Variants in FAF1 observed in about 807,000 individuals in gnomAD.
FAF1 encodes FAS-associated factor 1.
Under a neutral mutation model 92.5 loss-of-function variants are expected in FAF1, and 25 were observed. That is an observed-to-expected ratio of 0.27 (90% CI 0.20 to 0.38). The LOEUF is 0.38. Ranked by LOEUF, FAF1 falls within the 10% of genes least tolerant of loss-of-function variation. FAF1 has a pLI of 1.00. For missense variants in FAF1, 636 were observed against 793.3 expected (o/e 0.80, Z 2.38); for synonymous variants, 234 against 273.2 (o/e 0.86, Z 1.42).
intron 8 of FAF1, among the ~76,000 whole-genome samples, chr1:50,649,024 C>T (rs1248811310): frequency 1.3e-5 from 2 of 152,100 alleles, no homozygotes; most frequent in African/African-American, 4.8e-5. Context: ...CCTCGTGATC[C>T]GTCTGCCTTG....
At chr1:50,805,871 A>T (rs1157896238) in intron 2 of FAF1, among the ~76,000 whole-genome samples, 2 of 152,206 alleles carry the variant, frequency 1.3e-5, no homozygotes, top group Non-Finnish European at 2.9e-5. Context: ...TTTTTATTAA[A>T]TGTGAGGCAT....
At chr1:50,867,401 CCA>C (rs1262460968) in intron 1 of FAF1, among the ~76,000 whole-genome samples, 4 of 152,074 alleles carry the variant, frequency 2.6e-5, no homozygotes, top group Non-Finnish European at 5.9e-5. Flanking sequence ...AACTGACAAC[CCA>C]CAGAGTGGGA....
intron 8 of FAF1, among the ~76,000 whole-genome samples, chr1:50,597,444 A>C (rs1651873767): frequency 6.6e-6 from 1 of 152,152 alleles, no homozygotes; most frequent in African/African-American, 2.4e-5. Context: ...TGATGCTTAT[A>C]TATAAAAAAA....
chr1:50,699,638 A>C (rs1225949933), intron 7 of FAF1, among the ~76,000 whole-genome samples: 3 of 152,170 alleles, frequency 2.0e-5, no homozygotes, highest in African/African-American at 4.8e-5. Flanking sequence ...ATACATAAGT[A>C]AGTCAGAAAC....
intron 8 of FAF1, among the ~76,000 whole-genome samples, chr1:50,654,911 A>T (rs1655034793): frequency 2.0e-5 from 3 of 152,116 alleles, no homozygotes; most frequent in Admixed American, 2.0e-4. Flanking sequence ...ATCTGTTCTA[A>T]AAGTGAACTC....
At chr1:50,535,115 C>A (rs189444299) in intron 15 of FAF1, among the ~76,000 whole-genome samples, 1 of 152,070 alleles carries the variant, frequency 6.6e-6, no homozygotes, top group Admixed American at 6.6e-5. Flanking sequence ...TCTTGCAAAT[C>A]GACTTCCTGT....
At chr1:50,853,898 C>T (rs1348921147) in intron 2 of FAF1, among the ~76,000 whole-genome samples, 1 of 151,920 alleles carries the variant, frequency 6.6e-6, no homozygotes, top group Non-Finnish European at 1.5e-5. Context: ...TAATTGACTG[C>T]TATTCATTGA....
At chr1:50,470,859 C>T (rs574000861) in intron 18 of FAF1, 1 of 152,238 alleles carries the variant, frequency 6.6e-6, no homozygotes, top group Non-Finnish European at 1.5e-5. Flanking sequence ...TCTGCTTCCA[C>T]TCACTGAACA....
chr1:50,759,985 T>A (rs1660256986), intron 4 of FAF1, among the ~76,000 whole-genome samples: 1 of 152,218 alleles, frequency 6.6e-6, no homozygotes, highest in South Asian at 2.1e-4. Flanking sequence ...CTTCACCCAC[T>A]TTTTGATGGG....
chr1:50,858,906 A>G (rs1257210221), intron 1 of FAF1, among the ~76,000 whole-genome samples: 1 of 151,800 alleles, frequency 6.6e-6, no homozygotes, highest in African/African-American at 2.4e-5. Context: ...AGGCCACCAA[A>G]CCAAATCCAA....
intron 1 of FAF1, among the ~76,000 whole-genome samples, chr1:50,860,374 C>T (rs960081660): frequency 1.7e-4 from 26 of 151,664 alleles, no homozygotes; most frequent in African/African-American, 5.6e-4. Flanking sequence ...GATCTAATAT[C>T]CAGAATCTAT....
At chr1:50,805,861 T>C (rs1224173824) in intron 2 of FAF1, among the ~76,000 whole-genome samples, 4 of 152,202 alleles carry the variant, frequency 2.6e-5, no homozygotes, top group African/African-American at 7.2e-5. Context: ...CACTGTACCA[T>C]TTTTATTAAA....
chr1:50,718,629 A>G (rs931236578), intron 6 of FAF1, among the ~76,000 whole-genome samples: 1 of 152,232 alleles, frequency 6.6e-6, no homozygotes, highest in Non-Finnish European at 1.5e-5. Flanking sequence ...TATTTTCTAA[A>G]TATGGCCTGA....
Position 50,601,477 on chromosome 1 carries a change from T to G in FAF1, c.745-5261A>C, listed in dbSNP as rs1572861532. 2.0e-5 allele frequency among the ~76,000 whole-genome samples: 3 copies of G among 152,166 alleles called. No individual in the cohort carries two copies. In the South Asian group the frequency reaches 6.2e-4, roughly 32 times the overall value. ...AGGGCAGATCACTTGAGGCCAGCAG[T>G]TCGAGACCAGCCTGACCAACGTGGT... On this transcript the variant is annotated intron_variant, in intron 8 of 18. Coordinates refer to ENST00000396153, the MANE Select transcript of FAF1 (RefSeq NM_007051.3).
intron 1 of FAF1, among the ~76,000 whole-genome samples, chr1:50,921,354 C>G (rs959558963): frequency 6.6e-6 from 1 of 152,242 alleles, no homozygotes; most frequent in Admixed American, 6.5e-5. Context: ...ATCAGCTTGA[C>G]ACCTCCTGCC....
chr1:50,788,248 A>G, intron 3 of FAF1, 43 bp from the exon 4 acceptor site: 1 of 1,518,748 alleles, frequency 6.6e-7, no homozygotes, highest in South Asian at 1.1e-5. Context: ...CAACTAAATC[A>G]TTACAGAATA....
intron 4 of FAF1, among the ~76,000 whole-genome samples, chr1:50,783,468 C>CGAAACTAAATTCAACAGCACATTGAAAGT (rs1557525771): frequency 6.6e-6 from 1 of 152,086 alleles, no homozygotes; most frequent in Non-Finnish European, 1.5e-5. Context: ...AAAATATTAG[C>CGAAACTAAATTCAACAGCACATTGAAAGT]GAAACTAAAT....
chr1:50,731,498 T>C (rs905903825), intron 6 of FAF1, among the ~76,000 whole-genome samples: 1 of 151,830 alleles, frequency 6.6e-6, no homozygotes, highest in Admixed American at 6.6e-5. Flanking sequence ...GCCTCCCCAG[T>C]AGCTGGGACT....
At chr1:50,461,124 AACT>A (rs1380559007) in intron 18 of FAF1, among the ~76,000 whole-genome samples, 2 of 152,180 alleles carry the variant, frequency 1.3e-5, no homozygotes, top group African/African-American at 4.8e-5. Context: ...TATACAATAT[AACT>A]ACTGTGAATA....
Sources: gnomAD v4.1 joint callset for allele counts (sites outside exome capture counted in the v4.1 genomes callset) on GRCh38, gnomAD v4.1.1 for gene constraint, MANE v1.5 for transcripts, NCBI Gene and HGNC (gene_info 2026-07-23, HGNC 2026-07-21) for gene names.